PARD3B: variants seen among roughly 807,000 people sequenced by gnomAD.
The protein encoded by PARD3B is partitioning defective 3 homolog B.
A neutral mutation model predicts 130.2 loss-of-function variants in PARD3B; 103 were observed. The ratio of observed to expected loss-of-function variants is 0.79; its 90% CI spans 0.67 to 0.93. The LOEUF (loss-of-function observed/expected upper bound fraction) is 0.93. PARD3B is among the 40% of genes least tolerant of loss of function. The pLI, the probability that PARD3B is intolerant of heterozygous loss-of-function variation, is 0.00. For missense variants in PARD3B, 1,609 were observed against 1,499.2 expected, an observed-to-expected ratio of 1.07 and a Z score of -1.21; for synonymous variants, 583 against 553.2, an observed-to-expected ratio of 1.05 and a Z score of -0.76.
intron 21 of PARD3B, among the ~76,000 whole-genome samples, chr2:205,522,373 TTTTTTA>T (rs2051111645): frequency 6.6e-6 from 1 of 150,760 alleles, no homozygotes. Context: ...AGGAATTAGG[TTTTTTA>T]TTTAAGTTTT....
At chr2:205,385,633 T>C (rs1458468824) in intron 18 of PARD3B, among the ~76,000 whole-genome samples, 1 of 152,092 alleles carries the variant, frequency 6.6e-6, no homozygotes, top group African/African-American at 2.4e-5. Flanking sequence ...CTAATCTCTT[T>C]TACATCAGAT....
intron 22 of PARD3B, among the ~76,000 whole-genome samples, chr2:205,608,332 T>C (rs2055094502): frequency 6.6e-6 from 1 of 152,186 alleles, no homozygotes; most frequent in South Asian, 2.1e-4. Context: ...AGTGTTTAGA[T>C]ACTGAAATTC....
intron 2 of PARD3B, among the ~76,000 whole-genome samples, chr2:204,789,848 T>G (rs2042137645): frequency 1.3e-5 from 2 of 150,930 alleles, no homozygotes; most frequent in Admixed American, 1.3e-4. Context: ...TCTAACTTGG[T>G]GAAGGTGAAT....
At chr2:204,920,759 C>A (rs2047645334) in intron 2 of PARD3B, among the ~76,000 whole-genome samples, 1 of 152,132 alleles carries the variant, frequency 6.6e-6, no homozygotes, top group Admixed American at 6.5e-5. Flanking sequence ...TTTATCATCG[C>A]TGTTGTGTTT....
intron 1 of PARD3B, among the ~76,000 whole-genome samples, chr2:204,635,570 G>A (rs1453606884): frequency 6.6e-6 from 1 of 152,144 alleles, no homozygotes; most frequent in Non-Finnish European, 1.5e-5. Context: ...TGTTTCACAA[G>A]TTTTGAGGCT....
intron 1 of PARD3B, among the ~76,000 whole-genome samples, chr2:204,558,401 A>G (rs2031076218): frequency 6.6e-6 from 1 of 152,218 alleles, no homozygotes; most frequent in African/African-American, 2.4e-5. Context: ...ATACACCAAT[A>G]ACAGACAAAC....
intron 21 of PARD3B, among the ~76,000 whole-genome samples, chr2:205,535,646 G>A (rs986667113): frequency 6.6e-6 from 1 of 152,156 alleles, no homozygotes; most frequent in Non-Finnish European, 1.5e-5. Context: ...ACAAGGTATT[G>A]GAAGACATTA....
intron 2 of PARD3B, among the ~76,000 whole-genome samples, chr2:204,745,640 T>C (rs1470101893): frequency 6.6e-6 from 1 of 152,098 alleles, no homozygotes; most frequent in Non-Finnish European, 1.5e-5. Flanking sequence ...TGGCTTCAAG[T>C]GGTCTGCCTG....
intron 1 of PARD3B, among the ~76,000 whole-genome samples, chr2:204,636,692 T>A (rs141008570): frequency 2.6e-5 from 4 of 152,262 alleles, no homozygotes; most frequent in African/African-American, 9.6e-5. Context: ...AGCCTTTTCT[T>A]TGGTTTCACA....
chr2:204,892,348 G>A (rs1471320877), intron 2 of PARD3B, among the ~76,000 whole-genome samples: 5 of 152,160 alleles, frequency 3.3e-5, no homozygotes, highest in Non-Finnish European at 7.3e-5. Context: ...CATTGAGGAT[G>A]TTGACTTTGA....
chr2:205,214,694 T>A (rs998469290), intron 15 of PARD3B, among the ~76,000 whole-genome samples: 1 of 152,080 alleles, frequency 6.6e-6, no homozygotes, highest in Admixed American at 6.6e-5. Flanking sequence ...TGTCACCTCA[T>A]ATGCTAAGAC....
chr2:205,001,849 G>A (rs1254672842), intron 3 of PARD3B, among the ~76,000 whole-genome samples: 2 of 152,166 alleles, frequency 1.3e-5, no homozygotes, highest in Non-Finnish European at 2.9e-5. Flanking sequence ...GCAGCTCCAC[G>A]ATGAGAGAAG....
At chr2:205,181,852 G>A (rs2035805414) in intron 13 of PARD3B, among the ~76,000 whole-genome samples, 1 of 152,188 alleles carries the variant, frequency 6.6e-6, no homozygotes, top group Non-Finnish European at 1.5e-5. Flanking sequence ...CAAGAAGACT[G>A]TACCTCGTAC....
At chr2:205,212,768 G>A (rs1442861147) in intron 15 of PARD3B, among the ~76,000 whole-genome samples, 1 of 152,118 alleles carries the variant, frequency 6.6e-6, no homozygotes. Flanking sequence ...TGATGTTACT[G>A]ATTATCTGTG....
In PARD3B at chr2:205,593,554, A is replaced by G. The variant is rs1436324383; in HGVS notation, c.3261-21902A>G. ...AGTGAAGGATAAGTATGTTGTAAAT[A>G]AAACAATTAAAGGGCTAGTTCACAC... On this transcript the variant is annotated intron_variant, in intron 22 of 22. Coordinates refer to ENST00000406610, the MANE Select transcript of PARD3B (RefSeq NM_001302769.2). 2.0e-5 allele frequency among the ~76,000 whole-genome samples: 3 copies of G among 152,232 alleles called. No individual in the cohort carries two copies. In the East Asian group the frequency reaches 5.8e-4, roughly 29 times the overall value.
At chr2:205,191,090 AAG>A (rs2036373763) in intron 14 of PARD3B, among the ~76,000 whole-genome samples, 1 of 151,736 alleles carries the variant, frequency 6.6e-6, no homozygotes, top group Non-Finnish European at 1.5e-5. Context: ...AAAAAAAAAA[AAG>A]GCTACATAAC....
chr2:205,398,956 A>G (rs760176010), intron 18 of PARD3B, among the ~76,000 whole-genome samples: 1 of 152,134 alleles, frequency 6.6e-6, no homozygotes, highest in South Asian at 2.1e-4. Context: ...AAGCCGGCCC[A>G]TACATGTATA....
intron 22 of PARD3B, among the ~76,000 whole-genome samples, chr2:205,578,299 A>T (rs1302798288): frequency 6.6e-6 from 1 of 152,226 alleles, no homozygotes; most frequent in Non-Finnish European, 1.5e-5. Flanking sequence ...AGTTTCATTA[A>T]TATCATGTCA....
At chr2:204,824,264 A>G (rs1472782958) in intron 2 of PARD3B, among the ~76,000 whole-genome samples, 2 of 151,732 alleles carry the variant, frequency 1.3e-5, no homozygotes, top group African/African-American at 4.8e-5. Flanking sequence ...TACACTGGAG[A>G]GGAGAGGAGA....
Sources: gnomAD v4.1 joint callset for allele counts (sites outside exome capture counted in the v4.1 genomes callset) on GRCh38, gnomAD v4.1.1 for gene constraint, MANE v1.5 for transcripts, NCBI Gene and HGNC (gene_info 2026-07-23, HGNC 2026-07-21) for gene names.